The following SLC24A3 variants were observed in gnomAD, a reference collection of about 807,000 sequenced individuals.
SLC24A3 encodes the protein solute carrier family 24 member 3.
Under a neutral mutation model 75.8 loss-of-function variants are expected in SLC24A3, and 28 were observed. That is an observed-to-expected ratio of 0.37 (90% CI 0.27 to 0.51). The LOEUF (loss-of-function observed/expected upper bound fraction) is 0.51, where lower values mean the gene tolerates loss of function less well. Among genes scored for constraint, SLC24A3 ranks in the 20% least tolerant of loss-of-function variants. The pLI, the probability that SLC24A3 is intolerant of heterozygous loss-of-function variation, is 0.94. For synonymous variants in SLC24A3, 372 were observed against 334.1 expected (o/e 1.11, Z -1.24); for missense variants, 663 against 847.8 (o/e 0.78, Z 2.71).
At chr20:19,551,818 T>C (rs867724159) in intron 3 of SLC24A3, among the ~76,000 whole-genome samples, 89 of 152,254 alleles carry the variant, frequency 5.8e-4, no homozygotes, top group African/African-American at 2.1e-3. Context: ...ACTTTCATCC[T>C]CCTTCCCTCC....
intron 2 of SLC24A3, among the ~76,000 whole-genome samples, chr20:19,371,852 GC>G (rs1985997630): frequency 6.6e-6 from 1 of 152,196 alleles, no homozygotes; most frequent in African/African-American, 2.4e-5. Context: ...AAAAAGGCTG[GC>G]ATACGGATAT....
chr20:19,673,714 G>A, intron 9 of SLC24A3, 60 bp downstream of exon 9: 2 of 1,410,546 alleles, frequency 1.4e-6, no homozygotes, highest in Non-Finnish European at 2.0e-6. Context: ...ATTATGTGAT[G>A]ATGTGGGAAG....
At chr20:19,601,192 G>C (rs1455974124) in intron 6 of SLC24A3, among the ~76,000 whole-genome samples, 2 of 152,194 alleles carry the variant, frequency 1.3e-5, no homozygotes, top group Non-Finnish European at 2.9e-5. Flanking sequence ...TCCTCTACCT[G>C]TGTTGCCAGC....
At position 19,440,934 on chromosome 20, in the gene SLC24A3, G is replaced by A. The variant is rs113524345; in HGVS notation, c.272-74554G>A. On this transcript the variant is annotated intron_variant, in intron 2 of 16. Coordinates refer to ENST00000328041, the MANE Select transcript of SLC24A3 (RefSeq NM_020689.4). ...TTTTTTCATCACATATGAGTGACAG[G>A]GGAGTTTAGATGGATGGGTTAAAAG... Among the ~76,000 whole-genome samples the A allele has an allele frequency of 3.4e-3, 517 of 152,250 alleles. 2 individuals are homozygous for A. The highest frequency in any genetic ancestry group is 0.012 in the African/African-American group (489 of 41,562).
rs142737349 is a variant in SLC24A3 at position 19,592,921 on chromosome 20, G to A, written c.612+7377G>A. 5.3e-3 allele frequency among the ~76,000 whole-genome samples: 797 copies of A among 151,096 alleles called. 4 individuals carry two copies. The highest frequency in any genetic ancestry group is 0.017 in the African/African-American group (718 of 41,114). On this transcript the variant is annotated intron_variant, in intron 6 of 16. Coordinates refer to ENST00000328041, the MANE Select transcript of SLC24A3 (RefSeq NM_020689.4). ...AGCGATTCTCCTGCCTCAGCCTCCC[G>A]AGTAGCTGAGATTACAGGTGCCTGC...
chr20:19,581,909 A>G (rs1229768609), intron 4 of SLC24A3, among the ~76,000 whole-genome samples: 1 of 152,208 alleles, frequency 6.6e-6, no homozygotes, highest in Non-Finnish European at 1.5e-5. Flanking sequence ...GGCACAGAAG[A>G]GCAACCACAT....
At chr20:19,539,363 C>A (rs1391870440) in intron 3 of SLC24A3, among the ~76,000 whole-genome samples, 1 of 152,108 alleles carries the variant, frequency 6.6e-6, no homozygotes, top group Admixed American at 6.5e-5. Flanking sequence ...TGGATTTCAG[C>A]TGGGGGCAGG....
chr20:19,344,103 C>T (rs1286420363), intron 2 of SLC24A3, among the ~76,000 whole-genome samples: 2 of 152,180 alleles, frequency 1.3e-5, no homozygotes, highest in Non-Finnish European at 2.9e-5. Flanking sequence ...TATCTGTGAA[C>T]ACCTCCTCCT....
chr20:19,498,629 A>G (rs1363884005), intron 2 of SLC24A3, among the ~76,000 whole-genome samples: 11 of 152,166 alleles, frequency 7.2e-5, no homozygotes, highest in Non-Finnish European at 1.5e-4. Flanking sequence ...ATCAATTGTT[A>G]TCAATATGGT....
chr20:19,609,574 C>G (rs1042002513), intron 6 of SLC24A3, among the ~76,000 whole-genome samples: 1 of 152,106 alleles, frequency 6.6e-6, no homozygotes, highest in African/African-American at 2.4e-5. Flanking sequence ...CCTTGCCCCC[C>G]ACCTCCAACA....
chr20:19,267,944 C>T (rs1186212397), intron 1 of SLC24A3, among the ~76,000 whole-genome samples: 2 of 152,184 alleles, frequency 1.3e-5, no homozygotes, highest in African/African-American at 4.8e-5. Flanking sequence ...ATGCATAATT[C>T]ATCTCTAAGT....
At chr20:19,694,079 G>A (rs1312218604) in intron 13 of SLC24A3, 1 of 152,206 alleles carries the variant, frequency 6.6e-6, no homozygotes, top group African/African-American at 2.4e-5. Flanking sequence ...TCCCTTCTGA[G>A]GCTAAAATAA....
chr20:19,369,931 G>A (rs1985963851), intron 2 of SLC24A3, among the ~76,000 whole-genome samples: 1 of 152,132 alleles, frequency 6.6e-6, no homozygotes, highest in African/African-American at 2.4e-5. Context: ...GCCTCTCAAA[G>A]TGCTGAGGTT....
chr20:19,333,763 C>T (rs927152803), intron 2 of SLC24A3, among the ~76,000 whole-genome samples: 6 of 151,634 alleles, frequency 4.0e-5, no homozygotes, highest in Non-Finnish European at 8.8e-5. Flanking sequence ...GGGGAAGGAG[C>T]GACATTAGTA....
At chr20:19,318,444 T>C (rs6045996) in intron 2 of SLC24A3, among the ~76,000 whole-genome samples, 79,782 of 152,048 alleles carry the variant, frequency 0.52, 23,097 homozygotes, top group African/African-American at 0.77. Context: ...AACACTGGCA[T>C]CTCTGCCTGG....
chr20:19,579,397 A>G (rs2031186901), intron 3 of SLC24A3, among the ~76,000 whole-genome samples: 1 of 152,252 alleles, frequency 6.6e-6, no homozygotes, highest in Admixed American at 6.5e-5. Context: ...GTGAGTAAAC[A>G]GGTTCAGTTG....
intron 12 of SLC24A3, among the ~76,000 whole-genome samples, chr20:19,688,285 G>A (rs2032703348): frequency 6.6e-6 from 1 of 152,194 alleles, no homozygotes; most frequent in Non-Finnish European, 1.5e-5. Flanking sequence ...AGAGGCTAGA[G>A]ACCTAGAGGC....
intron 2 of SLC24A3, among the ~76,000 whole-genome samples, chr20:19,418,693 A>G (rs530554233): frequency 6.6e-6 from 1 of 151,476 alleles, no homozygotes; most frequent in South Asian, 2.1e-4. Context: ...TATATAATAT[A>G]ATAATATAAT....
chr20:19,213,951 AAAAC>A (rs1187047030), intron 1 of SLC24A3, among the ~76,000 whole-genome samples: 16 of 152,232 alleles, frequency 1.1e-4, no homozygotes, highest in Non-Finnish European at 1.9e-4. Flanking sequence ...AAAACAAAAC[AAAAC>A]AAACAAACAA....
Sources: gnomAD v4.1 joint callset for allele counts (sites outside exome capture counted in the v4.1 genomes callset) on GRCh38, gnomAD v4.1.1 for gene constraint, MANE v1.5 for transcripts, NCBI Gene and HGNC (gene_info 2026-07-23, HGNC 2026-07-21) for gene names.